Variants in KCND2 observed in about 807,000 individuals in gnomAD.
KCND2 encodes A-type voltage-gated potassium channel KCND2.
A neutral mutation model predicts 54.4 loss-of-function variants in KCND2; 16 were observed. The observed-to-expected ratio is 0.29, with a 90% confidence interval of 0.20 to 0.45. KCND2 has a LOEUF of 0.45. KCND2 is among the 20% of genes least tolerant of loss of function. The pLI, the probability that KCND2 is intolerant of heterozygous loss-of-function variation, is 1.00. For missense variants in KCND2, 486 were observed against 824.2 expected, an observed-to-expected ratio of 0.59 and a Z score of 5.02; for synonymous variants, 317 against 310.7, an observed-to-expected ratio of 1.02 and a Z score of -0.21.
chr7:120,690,134 A>G (rs2116601723), intron 1 of KCND2, among the ~76,000 whole-genome samples: 1 of 152,322 alleles, frequency 6.6e-6, no homozygotes, highest in African/African-American at 2.4e-5. Context: ...TATTTAAGAA[A>G]TGGAAATGTT....
intron 1 of KCND2, among the ~76,000 whole-genome samples, chr7:120,390,836 G>A (rs1801063149): frequency 6.6e-6 from 1 of 151,954 alleles, no homozygotes; most frequent in Admixed American, 6.6e-5. Flanking sequence ...GAATCCAAAT[G>A]TCTGAAGTCA....
In KCND2 at chr7:120,734,271, T is replaced by C. The variant is rs554053255; in HGVS notation, c.1278+1206T>C. Among the ~76,000 whole-genome samples, 3 of 152,248 alleles carry C rather than the reference T, an allele frequency of 2.0e-5. No homozygotes were observed. In the South Asian group the frequency reaches 6.2e-4, roughly 32 times the overall value. The stretch of plus-strand genomic sequence containing the variant: ...GGGTTACAGTCTGTTTACTCCTCCA[T>C]GTAAGTTACAGTTCACTATGCATAG... On this transcript the variant is annotated intron_variant, in intron 2 of 5. Transcript: ENST00000331113.
At chr7:120,446,487 G>A (rs547771956) in intron 1 of KCND2, among the ~76,000 whole-genome samples, 29 of 151,956 alleles carry the variant, frequency 1.9e-4, no homozygotes, top group Middle Eastern at 6.8e-3. Context: ...TTCAGTGTTG[G>A]AGTGTAATTG....
chr7:120,709,657 G>A (rs369167888), intron 1 of KCND2, among the ~76,000 whole-genome samples: 1 of 152,132 alleles, frequency 6.6e-6, no homozygotes, highest in African/African-American at 2.4e-5. Context: ...TACCTTGGTT[G>A]TTCATGTTTC....
rs2116271298 is a variant in KCND2, at chr7:120,476,384, T to A, written c.1115+200637T>A. Among the ~76,000 whole-genome samples, 4 of 152,364 alleles carry A rather than the reference T, an allele frequency of 2.6e-5. No individual in the cohort carries two copies. In the South Asian group the frequency reaches 8.3e-4, roughly 32 times the overall value. ...TGCTGAAAACAGAAATCCTTGTTTT[T>A]GTTCAGTATCATAACTCCAGAGTCA... On this transcript the variant is annotated intron_variant, in intron 1 of 5. Transcript: ENST00000331113.
chr7:120,421,095 A>T (rs1293043733), intron 1 of KCND2, among the ~76,000 whole-genome samples: 3 of 152,208 alleles, frequency 2.0e-5, no homozygotes, highest in Non-Finnish European at 4.4e-5. Context: ...ATACAGTTAA[A>T]ATTATGAAAT....
chr7:120,700,190 A>G (rs908896540), intron 1 of KCND2, among the ~76,000 whole-genome samples: 1 of 152,228 alleles, frequency 6.6e-6, no homozygotes, highest in South Asian at 2.1e-4. Flanking sequence ...GGATATAAAT[A>G]GAACAGTAGA....
chr7:120,369,824 T>C (rs79089283), intron 1 of KCND2, among the ~76,000 whole-genome samples: 108 of 152,166 alleles, frequency 7.1e-4, no homozygotes, highest in African/African-American at 2.6e-3. Context: ...CCTAGTTACT[T>C]GGAATCAATG....
chr7:120,737,437 C>A (rs7791571), intron 2 of KCND2, among the ~76,000 whole-genome samples: 30,245 of 151,814 alleles, frequency 0.2, 5,174 homozygotes, highest in African/African-American at 0.45. Context: ...ACCGCTTCCA[C>A]CATGGAATCC....
chr7:120,381,133 T>C (rs1362249112), intron 1 of KCND2, among the ~76,000 whole-genome samples: 2 of 151,894 alleles, frequency 1.3e-5, no homozygotes, highest in Non-Finnish European at 2.9e-5. Context: ...AAAATAGCTG[T>C]AATCCCAGCT....
intron 2 of KCND2, among the ~76,000 whole-genome samples, chr7:120,738,858 A>G (rs932412509): frequency 1.3e-5 from 2 of 152,044 alleles, no homozygotes; most frequent in Non-Finnish European, 2.9e-5. Flanking sequence ...CTGTAATCAC[A>G]AGTCATGAAG....
At chr7:120,607,587 C>T (rs1278992905) in intron 1 of KCND2, among the ~76,000 whole-genome samples, 1 of 152,068 alleles carries the variant, frequency 6.6e-6, no homozygotes, top group East Asian at 1.9e-4. Flanking sequence ...CTGTGATACC[C>T]TTTTAGGTAG....
chr7:120,457,065 A>C (rs2116230128), intron 1 of KCND2, among the ~76,000 whole-genome samples: 1 of 152,262 alleles, frequency 6.6e-6, no homozygotes, highest in East Asian at 1.9e-4. Context: ...TGAGGTATAC[A>C]TTCGCCCCTT....
At chr7:120,741,446 C>A in intron 2 of KCND2, 88 bp from the exon 3 acceptor site, 1 of 894,340 alleles carries the variant, frequency 1.1e-6, no homozygotes, top group Non-Finnish European at 1.9e-6. Context: ...AATATGTAGG[C>A]TGACAATAGG....
chr7:120,365,249 C>T (rs1015188486), intron 1 of KCND2, among the ~76,000 whole-genome samples: 1 of 148,468 alleles, frequency 6.7e-6, no homozygotes, highest in Non-Finnish European at 1.5e-5. Flanking sequence ...GAGGGAGGGA[C>T]GGGCGAGCTA....
At chr7:120,471,526 C>A (rs1422734597) in intron 1 of KCND2, among the ~76,000 whole-genome samples, 3 of 151,996 alleles carry the variant, frequency 2.0e-5, no homozygotes, top group African/African-American at 7.2e-5. Flanking sequence ...AAGGTATATA[C>A]CTTTTTTGAC....
upstream of KCND2, among the ~76,000 whole-genome samples, chr7:120,272,970 C>T (rs1031534598): frequency 6.6e-6 from 1 of 152,064 alleles, no homozygotes; most frequent in African/African-American, 2.4e-5. Flanking sequence ...TTCTCCTCTC[C>T]TCCACCAAAC....
At chr7:120,469,464 T>A (rs1802423142) in intron 1 of KCND2, among the ~76,000 whole-genome samples, 1 of 152,062 alleles carries the variant, frequency 6.6e-6, no homozygotes, top group Admixed American at 6.6e-5. Context: ...AGCTCCCCAG[T>A]GCCAGAAACA....
intron 1 of KCND2, among the ~76,000 whole-genome samples, chr7:120,466,621 A>T (rs573905931): frequency 6.6e-6 from 1 of 152,176 alleles, no homozygotes; most frequent in Non-Finnish European, 1.5e-5. Flanking sequence ...TCATTTCTAT[A>T]CCAAAATAAT....
Sources: gnomAD v4.1 joint callset for allele counts (sites outside exome capture counted in the v4.1 genomes callset) on GRCh38, gnomAD v4.1.1 for gene constraint, MANE v1.5 for transcripts, NCBI Gene and HGNC (gene_info 2026-07-23, HGNC 2026-07-21) for gene names.